Variants in FAM83A observed in about 807,000 individuals in gnomAD.
The protein encoded by FAM83A is scaffolding CK1 anchoring protein A.
FAM83A carries 21 observed loss-of-function variants against 24.4 expected under a neutral mutation model. That is an observed-to-expected ratio of 0.86 (90% CI 0.61 to 1.24). The LOEUF (loss-of-function observed/expected upper bound fraction) is 1.24, where lower values mean the gene tolerates loss of function less well. FAM83A is among the 50% of genes most tolerant of loss of function. FAM83A has a pLI of 0.00. For synonymous variants in FAM83A, 270 were observed against 252.4 expected, an observed-to-expected ratio of 1.07 and a Z score of -0.66; for missense variants, 617 against 579.8, an observed-to-expected ratio of 1.06 and a Z score of -0.66.
At chr8:123,193,308 C>T (rs898774521) in intron 2 of FAM83A, among the ~76,000 whole-genome samples, 2 of 152,214 alleles carry the variant, frequency 1.3e-5, no homozygotes, top group African/African-American at 4.8e-5. Context: ...TCAGGTCAAG[C>T]CACTTACAAG....
At chr8:123,190,415 C>T (rs1190245168) in intron 1 of FAM83A, among the ~76,000 whole-genome samples, 11 of 151,960 alleles carry the variant, frequency 7.2e-5, no homozygotes, top group Non-Finnish European at 2.9e-5. Context: ...GCGTGCACTA[C>T]CAGTCCAGCT....
intron 1 of FAM83A, 63 bp downstream of exon 1, chr8:123,183,399 G>A (rs1823682941): frequency 6.4e-7 from 1 of 1,552,528 alleles, no homozygotes; most frequent in African/African-American, 1.4e-5. Context: ...GGCTGATAGA[G>A]CAGGGAGGGG....
chr8:123,201,342 G>A (rs1235684745), intron 3 of FAM83A: 1 of 152,226 alleles, frequency 6.6e-6, no homozygotes, highest in African/African-American at 2.4e-5. Context: ...TGAAGCTGAG[G>A]GCTGGGCTTG....
At chr8:123,194,218 C>T in intron 3 of FAM83A, 70 bp downstream of exon 3, 1 of 1,586,256 alleles carries the variant, frequency 6.3e-7, no homozygotes, top group East Asian at 2.3e-5. Flanking sequence ...CAGACCAGCT[C>T]CCGCTGCTCA....
chr8:123,200,962 A>ATATATATATATATATAT (rs1376845493), intron 3 of FAM83A, among the ~76,000 whole-genome samples: 69 of 141,192 alleles, frequency 4.9e-4, no homozygotes, highest in African/African-American at 1.7e-3. Flanking sequence ...ATAAACAAAA[A>ATATATATATATATATAT]AAAAAAATAT....
intron 3 of FAM83A, among the ~76,000 whole-genome samples, chr8:123,200,997 A>AC (rs1348559289): frequency 3.7e-4 from 54 of 147,152 alleles, no homozygotes; most frequent in African/African-American, 1.3e-3. Flanking sequence ...ACATATATAC[A>AC]AAAAAAAAAT....
intron 2 of FAM83A, 123 bp downstream of exon 2, chr8:123,192,093 G>C: frequency 2.6e-6 from 3 of 1,169,210 alleles, no homozygotes; most frequent in Non-Finnish European, 3.6e-6. Context: ...TTCATTTCTT[G>C]CTCAAACAAA....
chr8:123,181,428 G>A (rs138521174), upstream of FAM83A, among the ~76,000 whole-genome samples: 75 of 152,166 alleles, frequency 4.9e-4, no homozygotes, highest in East Asian at 0.013. Context: ...TCTTGGTGTC[G>A]TCCCTGAGCA....
At chr8:123,195,654 C>A (rs1195856739) in intron 3 of FAM83A, among the ~76,000 whole-genome samples, 2 of 152,142 alleles carry the variant, frequency 1.3e-5, no homozygotes, top group Non-Finnish European at 2.9e-5. Flanking sequence ...AAGGTGTGGG[C>A]AGATTCAGTG....
intron 3 of FAM83A, among the ~76,000 whole-genome samples, chr8:123,205,972 G>A (rs1176570331): frequency 6.6e-6 from 1 of 151,922 alleles, no homozygotes; most frequent in African/African-American, 2.4e-5. Context: ...GTGAACCCCT[G>A]TCTCTACTAA....
chr8:123,187,598 T>G (rs1209807544), intron 1 of FAM83A, among the ~76,000 whole-genome samples: 1 of 152,216 alleles, frequency 6.6e-6, no homozygotes. Context: ...TAACTATTAA[T>G]AGTAAAGAAC....
At chr8:123,200,816 G>A (rs1211719115) in intron 3 of FAM83A, among the ~76,000 whole-genome samples, 2 of 152,150 alleles carry the variant, frequency 1.3e-5, no homozygotes, top group East Asian at 1.9e-4. Flanking sequence ...TTAGCCAGAT[G>A]TGGTGGTGGG....
exon 4 of FAM83A, chr8:123,208,500 G>C: frequency 6.1e-6 from 6 of 985,566 alleles, no homozygotes; most frequent in Non-Finnish European, 7.2e-6. Flanking sequence ...GGCCAGTCTT[G>C]AGCAGCAGGG....
At chr8:123,194,982 CT>C (rs1824099401) in intron 3 of FAM83A, among the ~76,000 whole-genome samples, 2 of 152,202 alleles carry the variant, frequency 1.3e-5, no homozygotes, top group South Asian at 4.2e-4. Flanking sequence ...GCCTTTGAAA[CT>C]TGACTTCAGA....
intron 1 of FAM83A, among the ~76,000 whole-genome samples, chr8:123,190,203 A>G (rs1823925102): frequency 6.6e-6 from 1 of 152,056 alleles, no homozygotes; most frequent in African/African-American, 2.4e-5. Context: ...AAAGAAAGAA[A>G]AGAAAGAAAG....
At chr8:123,200,949 CAAAT>C (rs1285538168) in intron 3 of FAM83A, among the ~76,000 whole-genome samples, 6 of 105,346 alleles carry the variant, frequency 5.7e-5, no homozygotes, top group African/African-American at 7.8e-5. Context: ...CTGTCTCAAA[CAAAT>C]AAACAAAAAA....
At chr8:123,183,245 A>G (rs1823672125) in exon 1 of FAM83A, 2 of 1,613,408 alleles carry the variant, frequency 1.2e-6, no homozygotes, top group Non-Finnish European at 1.7e-6. Flanking sequence ...CCCTACCTGA[A>G]GGAAAAATCC....
In FAM83A at chr8:123,206,962, T is replaced by C. The variant is rs559467537; in HGVS notation, c.774-195T>C. 6.1e-3 allele frequency among the ~76,000 whole-genome samples: 607 copies of C among 98,936 alleles called. 6 individuals carry two copies. Among genetic ancestry groups the C allele is most frequent in the African/African-American group, 0.022 (563 of 25,486 alleles). The allele number at this position is 98,936 out of a possible 152,430, so 64.9% of individuals were successfully genotyped here. A position where few individuals can be genotyped will look rare whatever the true frequency, so the allele number is the denominator to read the frequency against. ...TTCTTCCTCCTCCCCCTCCCCTCCT[T>C]TTCCTCCTCCTCCCCTTCCCACTTC... On this transcript the variant is annotated intron_variant, in intron 3 of 3. Coordinates refer to ENST00000690554, the Ensembl canonical transcript of FAM83A.
At position 123,207,758 on chromosome 8, in the gene FAM83A, A is replaced by G. The variant is rs542025869; in HGVS notation, c.*70A>G. The G allele has an allele frequency of 1.2e-5, 17 of 1,410,222 alleles. No homozygotes were observed. The African/African-American group carries it at 1.9e-4, about 16-fold the overall frequency. The allele number at this position is 1,410,222 out of a possible 1,614,324, so 87.4% of individuals were successfully genotyped here. A position where few individuals can be genotyped will look rare whatever the true frequency, so the allele number is the denominator to read the frequency against. On this transcript the variant is annotated 3_prime_UTR_variant, in exon 4 of 4. Coordinates refer to ENST00000690554, the Ensembl canonical transcript of FAM83A. ...TCCCTGAGACCCAAAGACCCACCTC[A>G]ACGACGAGTGGCGTTGAGCCACTTC...
Sources: gnomAD v4.1 joint callset for allele counts (sites outside exome capture counted in the v4.1 genomes callset) on GRCh38, gnomAD v4.1.1 for gene constraint, MANE v1.5 for transcripts, NCBI Gene and HGNC (gene_info 2026-07-23, HGNC 2026-07-21) for gene names.